The following GPC5 variants were observed in gnomAD, a reference collection of about 807,000 sequenced individuals.
GPC5 encodes the protein glypican 5, also known as glypican-5.
A neutral mutation model predicts 53.9 loss-of-function variants in GPC5; 47 were observed. The ratio of observed to expected loss-of-function variants is 0.87; its 90% CI spans 0.69 to 1.11. The LOEUF is 1.11. Ranked by LOEUF, GPC5 falls within the 50% of genes most tolerant of loss-of-function variation. The pLI, the probability that GPC5 is intolerant of heterozygous loss-of-function variation, is 0.00. For missense variants in GPC5, 748 were observed against 713.1 expected (o/e 1.05, Z -0.56); for synonymous variants, 286 against 263.3 (o/e 1.09, Z -0.84).
chr13:91,863,000 C>T (rs1202832117), intron 5 of GPC5, among the ~76,000 whole-genome samples: 1 of 150,094 alleles, frequency 6.7e-6, no homozygotes, highest in Admixed American at 6.7e-5. Flanking sequence ...CCTTTTTCTC[C>T]TCCCTCTCCC....
At chr13:92,586,064 T>TTAATACCCA (rs1883528846) in intron 7 of GPC5, among the ~76,000 whole-genome samples, 2 of 152,212 alleles carry the variant, frequency 1.3e-5, no homozygotes, top group African/African-American at 4.8e-5. Flanking sequence ...GATGCTAATA[T>TTAATACCCA]TTGGTAATGG....
At chr13:91,771,337 G>A (rs2037621451) in intron 5 of GPC5, among the ~76,000 whole-genome samples, 1 of 152,090 alleles carries the variant, frequency 6.6e-6, no homozygotes. Flanking sequence ...TAGAGAAAAA[G>A]GTATTTCAAC....
At chr13:91,912,436 A>C (rs1395523982) in intron 6 of GPC5, among the ~76,000 whole-genome samples, 1 of 152,184 alleles carries the variant, frequency 6.6e-6, no homozygotes, top group Non-Finnish European at 1.5e-5. Context: ...GGAAAAAGTG[A>C]AAAATAAATA....
At chr13:91,544,957 T>C (rs1225700468) in intron 2 of GPC5, among the ~76,000 whole-genome samples, 1 of 152,198 alleles carries the variant, frequency 6.6e-6, no homozygotes, top group Non-Finnish European at 1.5e-5. Context: ...AGTTCCTCAC[T>C]GTCTCAACAG....
chr13:92,048,007 G>A (rs1050885905), intron 6 of GPC5, among the ~76,000 whole-genome samples: 5 of 150,916 alleles, frequency 3.3e-5, no homozygotes, highest in African/African-American at 1.2e-4. Flanking sequence ...AAAAAAAAGC[G>A]GTATTACATT....
At chr13:92,542,529 A>G (rs145655795) in intron 7 of GPC5, among the ~76,000 whole-genome samples, 1 of 152,082 alleles carries the variant, frequency 6.6e-6, no homozygotes, top group Non-Finnish European at 1.5e-5. Context: ...CGGTAGTTAT[A>G]AGTTTTGATT....
At chr13:92,533,022 A>C (rs1250981056) in intron 7 of GPC5, among the ~76,000 whole-genome samples, 1 of 152,162 alleles carries the variant, frequency 6.6e-6, no homozygotes, top group East Asian at 1.9e-4. Flanking sequence ...CAAATTACAG[A>C]ATAATTATTA....
intron 6 of GPC5, among the ~76,000 whole-genome samples, chr13:92,114,426 A>G (rs1594768759): frequency 6.6e-6 from 1 of 152,122 alleles, no homozygotes; most frequent in South Asian, 2.1e-4. Context: ...GTTCCACTCT[A>G]CCTTTCCTTA....
intron 7 of GPC5, among the ~76,000 whole-genome samples, chr13:92,422,532 A>AC (rs1566583701): frequency 0.017 from 2,247 of 131,106 alleles, 56 homozygotes; most frequent in Admixed American, 0.055. Context: ...ACACACACAC[A>AC]ACTTCTTGGA....
chr13:92,388,129 T>A (rs1436819330), intron 7 of GPC5, among the ~76,000 whole-genome samples: 1 of 152,124 alleles, frequency 6.6e-6, no homozygotes, highest in Non-Finnish European at 1.5e-5. Context: ...TAGTATTGTT[T>A]TAAACCTATT....
At chr13:92,366,090 T>A (rs1172052885) in intron 7 of GPC5, among the ~76,000 whole-genome samples, 1 of 151,604 alleles carries the variant, frequency 6.6e-6, no homozygotes, top group Non-Finnish European at 1.5e-5. Flanking sequence ...ACATGAGTAA[T>A]GCATCCTGCT....
chr13:91,798,246 C>T (rs545785485), intron 5 of GPC5, among the ~76,000 whole-genome samples: 9 of 152,222 alleles, frequency 5.9e-5, no homozygotes, highest in South Asian at 2.1e-4. Flanking sequence ...CATAGGTAAA[C>T]GTGTGCCATG....
intron 7 of GPC5, among the ~76,000 whole-genome samples, chr13:92,654,281 A>T (rs907041803): frequency 3.3e-5 from 5 of 152,172 alleles, no homozygotes; most frequent in African/African-American, 1.2e-4. Context: ...AAAAACTGTT[A>T]TCTTCCCTTA....
chr13:91,670,338 C>A (rs1014814246), intron 2 of GPC5, among the ~76,000 whole-genome samples: 2 of 152,022 alleles, frequency 1.3e-5, no homozygotes, highest in African/African-American at 4.8e-5. Flanking sequence ...GAGTCTACTG[C>A]GATAAACAGG....
intron 6 of GPC5, among the ~76,000 whole-genome samples, chr13:91,951,480 A>G (rs976513852): frequency 6.6e-6 from 1 of 152,180 alleles, no homozygotes; most frequent in African/African-American, 2.4e-5. Context: ...GTACATTCAT[A>G]CTTTTAATTC....
At chr13:92,134,484 C>T (rs1316319907) in intron 6 of GPC5, among the ~76,000 whole-genome samples, 1 of 152,010 alleles carries the variant, frequency 6.6e-6, no homozygotes, top group Admixed American at 6.6e-5. Flanking sequence ...CATATAAAGA[C>T]CTAGTTAAAG....
At chr13:91,512,378 C>T (rs1413545979) in intron 2 of GPC5, among the ~76,000 whole-genome samples, 1 of 152,212 alleles carries the variant, frequency 6.6e-6, no homozygotes, top group Non-Finnish European at 1.5e-5. Context: ...CTCCAGTGCA[C>T]TTGAAGTCCT....
chr13:91,958,355 C>T (rs888708688), intron 6 of GPC5, among the ~76,000 whole-genome samples: 19 of 151,688 alleles, frequency 1.3e-4, no homozygotes, highest in African/African-American at 3.1e-4. Flanking sequence ...AACATATGTG[C>T]GCCCAAGGTC....
At chr13:92,823,870 G>T (rs533008892) in intron 7 of GPC5, among the ~76,000 whole-genome samples, 2 of 151,990 alleles carry the variant, frequency 1.3e-5, no homozygotes, top group African/African-American at 2.4e-5. Context: ...TTATATTTCT[G>T]CATATGACAA....
Sources: gnomAD v4.1 joint callset for allele counts (sites outside exome capture counted in the v4.1 genomes callset) on GRCh38, gnomAD v4.1.1 for gene constraint, MANE v1.5 for transcripts, NCBI Gene and HGNC (gene_info 2026-07-23, HGNC 2026-07-21) for gene names.